Variants in RAD51B observed in about 807,000 individuals in gnomAD.
RAD51B encodes DNA repair protein RAD51 homolog 2.
Under a neutral mutation model 42.2 loss-of-function variants are expected in RAD51B, and 38 were observed. That is an observed-to-expected ratio of 0.90 (90% confidence interval 0.70 to 1.18). The LOEUF (loss-of-function observed/expected upper bound fraction) is 1.18, where lower values mean the gene tolerates loss of function less well. RAD51B is among the 50% of genes most tolerant of loss of function. RAD51B has a pLI of 0.00. For missense variants in RAD51B, 373 were observed against 400.7 expected (o/e 0.93, Z 0.59); for synonymous variants, 154 against 145.2 (o/e 1.06, Z -0.43).
intron 9 of RAD51B, among the ~76,000 whole-genome samples, chr14:68,414,820 G>A (rs1022520002): frequency 9.9e-5 from 14 of 140,958 alleles, no homozygotes; most frequent in Admixed American, 5.2e-4. Flanking sequence ...TCAGGAGTTC[G>A]AGACCAGCCT....
chr14:68,154,500 A>T (rs891591356), intron 7 of RAD51B, among the ~76,000 whole-genome samples: 1 of 152,192 alleles, frequency 6.6e-6, no homozygotes, highest in South Asian at 2.1e-4. Context: ...TGCACTAATC[A>T]GTACTCTGAT....
chr14:68,470,407 C>T, intron 10 of RAD51B: 1 of 442,116 alleles, frequency 2.3e-6, no homozygotes, highest in South Asian at 1.7e-5. Context: ...TTTGGGAAAA[C>T]AAAAAATGCA....
chr14:68,503,180 T>C (rs1885041744), intron 10 of RAD51B, among the ~76,000 whole-genome samples: 1 of 152,156 alleles, frequency 6.6e-6, no homozygotes. Context: ...TCTCTCCTCC[T>C]TGGGAATGGA....
At chr14:67,821,365 T>C (rs1021640451) in intron 1 of RAD51B, among the ~76,000 whole-genome samples, 1 of 152,212 alleles carries the variant, frequency 6.6e-6, no homozygotes, top group Non-Finnish European at 1.5e-5. Flanking sequence ...TATGCAATAG[T>C]CCAGGCAAGT....
intron 7 of RAD51B, among the ~76,000 whole-genome samples, chr14:68,174,200 T>C (rs1444250744): frequency 6.6e-6 from 1 of 152,150 alleles, no homozygotes; most frequent in Admixed American, 6.6e-5. Context: ...GTAGATTATT[T>C]AGAGTACAGG....
chr14:68,222,847 A>G (rs932387965), intron 7 of RAD51B, among the ~76,000 whole-genome samples: 2 of 152,178 alleles, frequency 1.3e-5, no homozygotes, highest in Non-Finnish European at 2.9e-5. Context: ...TATCTCTTAC[A>G]GAATTTTAGA....
chr14:68,632,640 C>A (rs1040908713), intron 10 of RAD51B, among the ~76,000 whole-genome samples: 6 of 152,220 alleles, frequency 3.9e-5, no homozygotes, highest in African/African-American at 7.2e-5. Flanking sequence ...CCAACTTATT[C>A]TTGACCTAAC....
At chr14:68,551,984 G>C (rs1300498060) in intron 10 of RAD51B, among the ~76,000 whole-genome samples, 1 of 152,236 alleles carries the variant, frequency 6.6e-6, no homozygotes, top group Non-Finnish European at 1.5e-5. Context: ...ACCTAAGGCA[G>C]TGTTGCAAGT....
chr14:68,641,502 CA>C (rs35385643), intron 10 of RAD51B, among the ~76,000 whole-genome samples: 56,025 of 149,440 alleles, frequency 0.37, 11,342 homozygotes, highest in East Asian at 0.77. Context: ...AAAACTATAA[CA>C]GGGGAAATCC....
chr14:68,399,715 G>A (rs1346521559), intron 8 of RAD51B, among the ~76,000 whole-genome samples: 1 of 152,064 alleles, frequency 6.6e-6, no homozygotes, highest in East Asian at 1.9e-4. Flanking sequence ...AAATACTTCA[G>A]CATTTATCTC....
intron 9 of RAD51B, among the ~76,000 whole-genome samples, chr14:68,421,241 T>C (rs1178231140): frequency 3.9e-5 from 6 of 152,156 alleles, no homozygotes; most frequent in Admixed American, 3.9e-4. Flanking sequence ...TTATCACACA[T>C]GTGGCTAAAG....
At chr14:67,966,844 T>C (rs2074789431) in intron 7 of RAD51B, among the ~76,000 whole-genome samples, 2 of 152,224 alleles carry the variant, frequency 1.3e-5, no homozygotes, top group Admixed American at 1.3e-4. Flanking sequence ...CACAGTTTTT[T>C]CAACTTCTTA....
chr14:68,115,469 G>A lies in RAD51B; in HGVS notation c.757-176415G>A, dbSNP rs572664864. Among the ~76,000 whole-genome samples the A allele has an allele frequency of 7.7e-4, 96 of 124,124 alleles. No individual in the cohort carries two copies. The South Asian group carries it at 0.019, about 24-fold the overall frequency. 81.4% of individuals were successfully genotyped at this position (124,124 alleles called of 152,430 possible). A position where few individuals can be genotyped will look rare whatever the true frequency, so the allele number is the denominator to read the frequency against. ...TAGATGACGAGTTAGTGGGTGCAGC[G>A]CACCAGCATGGCACATGTATACATA... On this transcript the variant is annotated intron_variant, in intron 7 of 10. Coordinates refer to ENST00000471583, the MANE Select transcript of RAD51B (RefSeq NM_133510.4).
chr14:68,075,300 G>T (rs1265521304), intron 7 of RAD51B, among the ~76,000 whole-genome samples: 5 of 152,102 alleles, frequency 3.3e-5, no homozygotes, highest in African/African-American at 1.2e-4. Flanking sequence ...AGTACTCAGG[G>T]TCTTTATTTC....
rs201272989 is a variant in RAD51B at position 68,515,612 on chromosome 14, C to CT, written c.1036+47374dup. On this transcript the variant is annotated intron_variant, in intron 10 of 10. Coordinates refer to the RAD51B transcript ENST00000487270. ...TACAGGTGTGCACCACCATTCCTGG[C>CT]TTTTTTTTTTTTCTTTTAGAGATGG... Among the ~76,000 whole-genome samples the CT allele has an allele frequency of 5.1e-3, 723 of 141,432 alleles. 7 individuals are homozygous for CT. The highest frequency in any genetic ancestry group is 0.015 in the African/African-American group (583 of 38,776). The allele number at this position is 141,432 out of a possible 152,430, so 92.8% of individuals were successfully genotyped here.
intron 10 of RAD51B, among the ~76,000 whole-genome samples, chr14:68,517,670 T>C (rs75598890): frequency 2.0e-5 from 3 of 152,216 alleles, no homozygotes; most frequent in Non-Finnish European, 2.9e-5. Context: ...AAGACGTATA[T>C]GTACCAGGTC....
intron 7 of RAD51B, among the ~76,000 whole-genome samples, chr14:67,932,085 A>G (rs181956556): frequency 3.9e-5 from 6 of 152,320 alleles, no homozygotes; most frequent in Non-Finnish European, 8.8e-5. Context: ...CCAGGAAGTG[A>G]GCACAGTATT....
At chr14:67,864,940 T>G in intron 4 of RAD51B, 63 bp from the exon 5 acceptor site, 1 of 1,401,302 alleles carries the variant, frequency 7.1e-7, no homozygotes, top group Non-Finnish European at 9.3e-7. Context: ...TTTGACTGGC[T>G]TGTGATGTTT....
At chr14:68,044,916 C>T (rs2076274520) in intron 7 of RAD51B, among the ~76,000 whole-genome samples, 1 of 152,030 alleles carries the variant, frequency 6.6e-6, no homozygotes, top group South Asian at 2.1e-4. Context: ...TGTGGCATCC[C>T]ATGAGTCTGA....
Sources: gnomAD v4.1 joint callset for allele counts (sites outside exome capture counted in the v4.1 genomes callset) on GRCh38, gnomAD v4.1.1 for gene constraint, MANE v1.5 for transcripts, NCBI Gene and HGNC (gene_info 2026-07-23, HGNC 2026-07-21) for gene names.